The following DCAF17 variants were observed in gnomAD, a reference collection of about 807,000 sequenced individuals.
The protein encoded by DCAF17 is DDB1- and CUL4-associated factor 17.
A neutral mutation model predicts 66.0 loss-of-function variants in DCAF17; 48 were observed. The observed-to-expected ratio is 0.73, with a 90% CI of 0.58 to 0.92. The LOEUF is 0.92. Among genes scored for constraint, DCAF17 ranks in the 40% least tolerant of loss-of-function variants. The pLI is 0.00. For missense variants in DCAF17, 562 were observed against 622.8 expected, an observed-to-expected ratio of 0.90 and a Z score of 1.04; for synonymous variants, 206 against 214.6, an observed-to-expected ratio of 0.96 and a Z score of 0.35.
chr2:171,454,752 C>A (rs1269180968), intron 6 of DCAF17, among the ~76,000 whole-genome samples: 1 of 151,912 alleles, frequency 6.6e-6, no homozygotes, highest in Non-Finnish European at 1.5e-5. Context: ...TAAAAATTAG[C>A]CACGGGTGGT....
At chr2:171,436,998 G>A (rs961632388) in intron 2 of DCAF17, among the ~76,000 whole-genome samples, 11 of 151,888 alleles carry the variant, frequency 7.2e-5, no homozygotes, top group Non-Finnish European at 5.9e-5. Flanking sequence ...GGTCTCGAAC[G>A]CCCAGCTTCA....
At chr2:171,450,747 T>G (rs555557787) in intron 5 of DCAF17, among the ~76,000 whole-genome samples, 82 of 152,306 alleles carry the variant, frequency 5.4e-4, no homozygotes, top group Admixed American at 9.2e-4. Flanking sequence ...TTCTCACTAG[T>G]GTCCTTGATT....
At chr2:171,474,074 A>C in intron 10 of DCAF17, 99 bp downstream of exon 10, 1 of 947,300 alleles carries the variant, frequency 1.1e-6, no homozygotes. Flanking sequence ...CAATTAATGG[A>C]AATAATTAGC....
chr2:171,458,259 C>T lies in DCAF17; in HGVS notation c.733-113C>T, dbSNP rs903257915. On this transcript the variant is annotated intron_variant, in intron 7 of 13. Transcript: ENST00000375255. ...GGGTGGGGAAGATAAACAGAAAGGC[C>T]ATTGGAAAAAGACATTTTCTTTGTC... 14 of 1,076,442 alleles carry T rather than the reference C, an allele frequency of 1.3e-5. No individual in the cohort carries two copies. In the Admixed American group the frequency reaches 2.2e-4, roughly 17 times the overall value. The allele number at this position is 1,076,442 out of a possible 1,614,324, so 66.7% of individuals were successfully genotyped here. A position where few individuals can be genotyped will look rare whatever the true frequency, so the allele number is the denominator to read the frequency against.
intron 7 of DCAF17, 90 bp from the exon 8 acceptor site, chr2:171,458,282 G>T: frequency 8.4e-7 from 1 of 1,186,476 alleles, no homozygotes; most frequent in Non-Finnish European, 1.3e-6. Context: ...CATTTTCTTT[G>T]TCATATACAT....
chr2:171,435,274 C>T (rs1398326270), intron 2 of DCAF17, 88 bp downstream of exon 2: 3 of 993,140 alleles, frequency 3.0e-6, no homozygotes, highest in African/African-American at 3.2e-5. Context: ...TACATTAGTG[C>T]CTAGTGAAAT....
intron 6 of DCAF17, among the ~76,000 whole-genome samples, chr2:171,454,251 G>C (rs1458131913): frequency 6.6e-6 from 1 of 151,352 alleles, no homozygotes; most frequent in Non-Finnish European, 1.5e-5. Flanking sequence ...AAAACAGATT[G>C]GCTACTTTAT....
At chr2:171,478,470 T>C (rs1235799539) in intron 12 of DCAF17, among the ~76,000 whole-genome samples, 4 of 152,218 alleles carry the variant, frequency 2.6e-5, no homozygotes, top group African/African-American at 9.7e-5. Flanking sequence ...ATATGTTTGT[T>C]AATGTCCGTA....
chr2:171,480,906 C>G, intron 13 of DCAF17, 68 bp from the exon 14 acceptor site: 1 of 1,578,070 alleles, frequency 6.3e-7, no homozygotes, highest in Admixed American at 1.7e-5. Context: ...GGTACTGTGA[C>G]ATTTTAGTAA....
chr2:171,442,452 T>A (rs1182901928), intron 2 of DCAF17, among the ~76,000 whole-genome samples: 1 of 149,750 alleles, frequency 6.7e-6, no homozygotes, highest in Non-Finnish European at 1.5e-5. Context: ...TAATCCCAGC[T>A]ACTCAGGAGG....
Position 171,482,809 on chromosome 2 carries a change from G to A in DCAF17, c.*1695G>A, listed in dbSNP as rs1435521084. 2.2e-6 allele frequency: 1 copy of A among 453,896 alleles called. No homozygotes were observed. Among genetic ancestry groups the A allele is most frequent in the East Asian group, 7.0e-5 (1 of 14,386 alleles). 28.1% of individuals were successfully genotyped at this position (453,896 alleles called of 1,614,324 possible). A position where few individuals can be genotyped will look rare whatever the true frequency, so the allele number is the denominator to read the frequency against. ...ATTCCTGGCTGCTTTTTTGCTGGGGGTAGATGGTGGAATACTTCTGGTCTA... is the reference window on the plus strand; with the variant it reads ...ATTCCTGGCTGCTTTTTTGCTGGGGATAGATGGTGGAATACTTCTGGTCTA... On this transcript the variant is annotated 3_prime_UTR_variant, in exon 14 of 14. Coordinates refer to ENST00000375255, the MANE Select transcript of DCAF17 (RefSeq NM_025000.4).
chr2:171,461,389 T>G (rs1269908510), intron 8 of DCAF17, among the ~76,000 whole-genome samples: 1 of 151,682 alleles, frequency 6.6e-6, no homozygotes, highest in Non-Finnish European at 1.5e-5. Context: ...ATCGTGCCAC[T>G]GCACTCCAGC....
Position 171,484,657 on chromosome 2 carries a change from C to T in DCAF17, c.*3543C>T, listed in dbSNP as rs1574415966. 2.2e-6 allele frequency: 1 copy of T among 453,892 alleles called. No individual in the cohort carries two copies. Among genetic ancestry groups the T allele is most frequent in the African/African-American group, 2.0e-5 (1 of 50,006 alleles). The allele number at this position is 453,892 out of a possible 1,614,324, so 28.1% of individuals were successfully genotyped here. ...TATAAATTTACTGAGTTCTTGCAGACATATACACCTGTGTAACCCAAACCC... is the reference window on the plus strand; with the variant it reads ...TATAAATTTACTGAGTTCTTGCAGATATATACACCTGTGTAACCCAAACCC... On this transcript the variant is annotated 3_prime_UTR_variant, in exon 14 of 14. Transcript: ENST00000375255.
At chr2:171,455,050 G>T (rs963042400) in intron 6 of DCAF17, among the ~76,000 whole-genome samples, 6 of 151,694 alleles carry the variant, frequency 4.0e-5, no homozygotes, top group African/African-American at 1.5e-4. Context: ...TGTGTCATGG[G>T]GGTTTGTTGT....
chr2:171,457,239 G>A (rs1461845616), intron 6 of DCAF17, among the ~76,000 whole-genome samples: 4 of 152,178 alleles, frequency 2.6e-5, no homozygotes, highest in Non-Finnish European at 4.4e-5. Context: ...ACTTATGTTT[G>A]CTTATTACAG....
At chr2:171,440,645 TTTATCTG>T (rs1694254820) in intron 2 of DCAF17, among the ~76,000 whole-genome samples, 1 of 152,134 alleles carries the variant, frequency 6.6e-6, no homozygotes, top group Non-Finnish European at 1.5e-5. Flanking sequence ...AGATTTTATG[TTTATCTG>T]AGTAGGAGTT....
At chr2:171,450,281 T>C (rs1450217158) in intron 5 of DCAF17, among the ~76,000 whole-genome samples, 4 of 152,184 alleles carry the variant, frequency 2.6e-5, no homozygotes, top group South Asian at 2.1e-4. Flanking sequence ...TTGGGTATAG[T>C]GTATACCACT....
intron 8 of DCAF17, among the ~76,000 whole-genome samples, chr2:171,461,215 C>T (rs951381827): frequency 3.3e-5 from 5 of 152,026 alleles, no homozygotes; most frequent in African/African-American, 1.2e-4. Context: ...GAGGCTGACG[C>T]GGGCAGATCA....
At chr2:171,459,547 C>T (rs1695456984) in intron 8 of DCAF17, among the ~76,000 whole-genome samples, 1 of 152,276 alleles carries the variant, frequency 6.6e-6, no homozygotes, top group African/African-American at 2.4e-5. Context: ...ATGTTGAACA[C>T]ATTCCTCTTA....
Sources: gnomAD v4.1 joint callset for allele counts (sites outside exome capture counted in the v4.1 genomes callset) on GRCh38, gnomAD v4.1.1 for gene constraint, MANE v1.5 for transcripts, NCBI Gene and HGNC (gene_info 2026-07-23, HGNC 2026-07-21) for gene names.